Variants in DNAH10 observed in about 807,000 individuals in gnomAD.
DNAH10 encodes the protein dynein axonemal heavy chain 10, also known as axonemal beta dynein heavy chain 10.
DNAH10 carries 348 observed loss-of-function variants against 506.6 expected under a neutral mutation model. The observed-to-expected ratio is 0.69, with a 90% CI of 0.63 to 0.75. DNAH10 has a LOEUF of 0.75. Among genes scored for constraint, DNAH10 ranks in the 30% least tolerant of loss-of-function variants. The probability of loss-of-function intolerance (pLI) is 0.00; values close to 1 mark genes in which losing one functional copy is unlikely to be tolerated. For synonymous variants in DNAH10, 2,059 were observed against 2,198.6 expected (o/e 0.94, Z 1.78); for missense variants, 5,179 against 5,787.1 (o/e 0.89, Z 3.41).
intron 5 of DNAH10, among the ~76,000 whole-genome samples, chr12:123,777,413 A>T (rs188176817): frequency 6.6e-6 from 1 of 152,226 alleles, no homozygotes; most frequent in Admixed American, 6.5e-5. Context: ...GAAGAGCTGG[A>T]GGGCTTGGCC....
chr12:123,909,401 A>G lies in DNAH10; in HGVS notation c.9956A>G (p.Asp3319Gly), dbSNP rs1594349629. ...TTCCTGCGGTCTCTGATGGAGATTGATTTTGATTCGATTACCCAGAGCCAA... is the reference window on the plus strand; with the variant it reads ...TTCCTGCGGTCTCTGATGGAGATTGGTTTTGATTCGATTACCCAGAGCCAA... ...PNFLRSLMEIDFDSITQSQVK... is the reference protein window; with the variant it reads ...PNFLRSLMEIGFDSITQSQVK... The change falls in exon 58 of 79, where the codon GAT becomes GGT. Residue 3319 changes from aspartate to glycine, a missense_variant. Physicochemically the swap from Asp to Gly is moderately conservative, Grantham distance 94. Coordinates refer to ENST00000673944, the MANE Select transcript of DNAH10 (RefSeq NM_001372106.1). This position sits in a 1 kb window ranked among gnomAD's most constrained non-coding sequence, Gnocchi z 5.4. 2 of 1,609,052 alleles carry G rather than the reference A, an allele frequency of 1.2e-6. No homozygotes were observed. The highest frequency in any genetic ancestry group is 1.7e-5 in the Admixed American group (1 of 59,418).
At chr12:123,897,261 G>A (rs1953294868) in intron 54 of DNAH10, among the ~76,000 whole-genome samples, 2 of 152,160 alleles carry the variant, frequency 1.3e-5, no homozygotes, top group African/African-American at 2.4e-5. Flanking sequence ...CTGGACGCTT[G>A]GGTCTTTCCA....
chr12:123,853,822 GCACGCACACA>G lies in DNAH10; in HGVS notation c.6438+480_6438+489del, dbSNP rs764620565. Among the ~76,000 whole-genome samples the G allele has an allele frequency of 9.3e-5, 14 of 150,668 alleles. No homozygotes were observed. Among genetic ancestry groups the G allele is most frequent in the Non-Finnish European group, 1.9e-4 (13 of 67,796 alleles). On this transcript the variant is annotated intron_variant, in intron 36 of 78. Transcript: ENST00000673944. The surrounding 1 kb of genome is among the most constrained non-coding windows in gnomAD (Gnocchi z 4.7). ...TGTACTCAATGTTGCACGCACACAC[GCACGCACACA>G]CACGCACACGCACGGACACACGCAC...
chr12:123,871,033 CCT>C (rs1566022939), intron 44 of DNAH10, among the ~76,000 whole-genome samples: 4 of 152,114 alleles, frequency 2.6e-5, no homozygotes, highest in African/African-American at 4.8e-5. Context: ...GTGAGACATC[CCT>C]GTTTTCTCGG....
chr12:123,817,632 CTT>C (rs1391865691), intron 21 of DNAH10, among the ~76,000 whole-genome samples: 4 of 152,070 alleles, frequency 2.6e-5, no homozygotes, highest in Non-Finnish European at 4.4e-5. Context: ...AATTGTGTGT[CTT>C]ATAACTCTGT....
chr12:123,857,088 G>C lies in DNAH10; in HGVS notation c.6471G>C (p.Met2157Ile), dbSNP rs373139770. The change falls in exon 37 of 79, where the codon ATG (methionine) becomes ATC (isoleucine). Residue 2157 changes from methionine (M) to isoleucine (I), a missense_variant. This residue lies in a region of DNAH10 where 4,844 missense variants were observed against 5,430.5 expected (regional missense o/e 0.89). Transcript: ENST00000673944. ...DVVLMRALRD[M>I]NLPKFVFEDV... ...TGCTGATGAGGGCCTTGCGAGACAT[G>C]AACTTGCCCAAATTTGTGTTTGAAG... The C allele has an allele frequency of 6.6e-5, 107 of 1,613,010 alleles. No homozygotes were observed. The highest frequency in any genetic ancestry group is 2.0e-4 in the Admixed American group (12 of 59,824).
chr12:123,805,806 T>C (rs1958650496), intron 18 of DNAH10, among the ~76,000 whole-genome samples: 1 of 149,328 alleles, frequency 6.7e-6, no homozygotes, highest in Admixed American at 6.7e-5. Flanking sequence ...AGACAGAGTC[T>C]CGCTCTGTCG....
rs538398557 is a variant in DNAH10 at position 123,870,591 on chromosome 12, G to A, written c.7639+106G>A. On this transcript the variant is annotated intron_variant, in intron 44 of 78. Coordinates refer to ENST00000673944, the MANE Select transcript of DNAH10 (RefSeq NM_001372106.1). ...GCTTCTCTGGTACTCTAAGTCCCACGCAGAGAGCTGGTAGAGAAGAATTGA... is the reference window on the plus strand; with the variant it reads ...GCTTCTCTGGTACTCTAAGTCCCACACAGAGAGCTGGTAGAGAAGAATTGA... 36 of 1,430,338 alleles carry A rather than the reference G, an allele frequency of 2.5e-5. No individual in the cohort carries two copies. In the South Asian group the frequency reaches 2.6e-4, roughly 10 times the overall value. The allele number at this position is 1,430,338 out of a possible 1,614,324, so 88.6% of individuals were successfully genotyped here. A position where few individuals can be genotyped will look rare whatever the true frequency, so the allele number is the denominator to read the frequency against.
At position 123,826,714 on chromosome 12, in the gene DNAH10, C is replaced by G. The variant is rs574069882; in HGVS notation, c.4207C>G (p.Leu1403Val). ...KVAKEEWSQT[L>V]WINLNVQILQ... The stretch of plus-strand genomic sequence containing the variant: ...TGCAAAAGAAGAATGGTCTCAGACC[C>G]TTTGGATCAACCTGAATGTGCAGAT... The change falls in exon 25 of 79, where the codon CTT becomes GTT. Residue 1403 changes from leucine (L) to valine (V), a missense_variant. By Grantham distance (32) the Leu-to-Val change is conservative (BLOSUM62 1). Transcript: ENST00000673944. 2.5e-6 allele frequency: 4 copies of G among 1,613,618 alleles called. No individual in the cohort carries two copies. In the South Asian group the frequency reaches 4.4e-5, roughly 18 times the overall value.
chr12:123,813,089 TG>T, intron 19 of DNAH10, 74 bp from the exon 20 acceptor site: 4 of 1,037,494 alleles, frequency 3.9e-6, no homozygotes, highest in Non-Finnish European at 5.7e-6. Context: ...GACTTATTAC[TG>T]AATACTAATA....
At chr12:123,861,198 C>T (rs1284910721) in intron 39 of DNAH10, 28 bp downstream of exon 39, 2 of 1,609,598 alleles carry the variant, frequency 1.2e-6, no homozygotes, top group Non-Finnish European at 1.7e-6. Flanking sequence ...TAGGAAAGAG[C>T]CTGGGTTAGT....
intron 29 of DNAH10, 44 bp downstream of exon 29, chr12:123,838,733 A>C (rs751611126): frequency 3.2e-6 from 5 of 1,565,154 alleles, no homozygotes; most frequent in Non-Finnish European, 4.4e-6. Context: ...TAAGCCTTAG[A>C]ACCGCCTTCG....
In DNAH10 at chr12:123,933,323, C is replaced by A. The variant is rs771792311; in HGVS notation, c.13297-8C>A. On this transcript the variant is annotated splice_region_variant and splice_polypyrimidine_tract_variant and intron_variant, in intron 76 of 78. Transcript: ENST00000673944. ...AGGCTCCCAGCACTTGTCCTCTCTT[C>A]TCTCCAGGTGACCGAGAGCGAGCCC... 3 of 1,538,288 alleles carry A rather than the reference C, an allele frequency of 2.0e-6. No homozygotes were observed. The highest frequency in any genetic ancestry group is 2.6e-6 in the Non-Finnish European group (3 of 1,138,610).
intron 51 of DNAH10, among the ~76,000 whole-genome samples, chr12:123,886,103 T>C (rs979431936): frequency 6.6e-6 from 1 of 152,246 alleles, no homozygotes; most frequent in African/African-American, 2.4e-5. Context: ...TATAACTGTT[T>C]GCAATTGTTT....
At chr12:123,915,281 G>A (rs1286500570) in intron 62 of DNAH10, among the ~76,000 whole-genome samples, 2 of 152,142 alleles carry the variant, frequency 1.3e-5, no homozygotes, top group Non-Finnish European at 2.9e-5. Context: ...CGTGGTCTGG[G>A]TGCTCAGTCA....
At chr12:123,765,422 T>TCC (rs1463439885) in intron 1 of DNAH10, among the ~76,000 whole-genome samples, 8 of 152,194 alleles carry the variant, frequency 5.3e-5, no homozygotes, top group Admixed American at 5.2e-4. Context: ...CCAGTCCTGC[T>TCC]CTTATTCCTA....
intron 4 of DNAH10, 102 bp downstream of exon 4, chr12:123,773,044 C>T: frequency 1.3e-6 from 1 of 764,976 alleles, no homozygotes; most frequent in East Asian, 2.6e-5. Flanking sequence ...TATCTTTCAC[C>T]TATGCCAAGC....
intron 5 of DNAH10, among the ~76,000 whole-genome samples, chr12:123,779,025 G>A (rs754085751): frequency 6.6e-6 from 1 of 151,784 alleles, no homozygotes; most frequent in Non-Finnish European, 1.5e-5. Flanking sequence ...TCAGCCTCCC[G>A]AGTAGCTGGG....
chr12:123,864,480 T>C (rs1951728086), intron 39 of DNAH10, 115 bp from the exon 40 acceptor site: 4 of 1,417,458 alleles, frequency 2.8e-6, no homozygotes, highest in African/African-American at 1.4e-5. Context: ...CTGTCTCAGA[T>C]ACTGGGTAGA....
Sources: allele counts gnomAD v4.1 joint callset (sites outside exome capture counted in the v4.1 genomes callset), GRCh38; gene constraint gnomAD v4.1.1; regional missense constraint gnomAD v4.1.1; non-coding constraint Gnocchi (gnomAD v3.1); transcripts MANE v1.5; gene names NCBI Gene and HGNC (gene_info 2026-07-23, HGNC 2026-07-21).